CCT2: variants seen among roughly 807,000 people sequenced by gnomAD.
CCT2 encodes the protein chaperonin containing TCP1 subunit 2.
CCT2 carries 18 observed loss-of-function variants against 61.8 expected under a neutral mutation model. The ratio of observed to expected loss-of-function variants is 0.29; its 90% CI spans 0.20 to 0.43. CCT2 has a LOEUF of 0.43. Among genes scored for constraint, CCT2 ranks in the 20% least tolerant of loss-of-function variants. The pLI is 1.00. For missense variants in CCT2, 556 were observed against 656.9 expected, an observed-to-expected ratio of 0.85 and a Z score of 1.68; for synonymous variants, 248 against 215.9, an observed-to-expected ratio of 1.15 and a Z score of -1.30.
In CCT2 at chr12:69,588,134, AT is replaced by A; in HGVS notation, c.334-15del. 2 of 1,600,698 alleles carry A rather than the reference AT, an allele frequency of 1.2e-6. No individual in the cohort carries two copies. ...ATTTTCTATTTATAACTTTTGTTTT[AT>A]AACTTTATTAATAGGAAGCAGAATC... On this transcript the variant is annotated splice_polypyrimidine_tract_variant and intron_variant, in intron 5 of 15. Transcript: ENST00000299300.
intron 1 of CCT2, 55 bp downstream of exon 1, chr12:69,585,579 AC>A: frequency 6.4e-7 from 1 of 1,558,212 alleles, no homozygotes; most frequent in Non-Finnish European, 8.7e-7. Context: ...TGCTCTTGCC[AC>A]CCCACTGCTT....
Position 69,598,062 on chromosome 12 carries a change from A to G in CCT2, c.1326A>G (p.Ala442=). 1 of 1,608,276 alleles carries G rather than the reference A, an allele frequency of 6.2e-7. No homozygotes were observed. Among genetic ancestry groups the G allele is most frequent in the Non-Finnish European group, 8.5e-7 (1 of 1,175,016 alleles). ...EAVAMESYAK[A]LRMLPTIIAD... is the part of the protein sequence containing the mutation. ...TTGCAATGGAGTCTTATGCTAAAGC[A>G]CTGAGAATGGTAAGTTAATCAAAAT... The change falls in exon 13 of 16, where the codon GCA becomes GCG. Residue 442 remains alanine (A), a synonymous_variant. Coordinates refer to ENST00000299300, the MANE Select transcript of CCT2 (RefSeq NM_006431.3).
intron 4 of CCT2, 23 bp downstream of exon 4, chr12:69,587,639 A>G (rs1881705212): frequency 1.4e-6 from 2 of 1,384,884 alleles, no homozygotes; most frequent in African/African-American, 1.4e-5. Context: ...ATACTTTTTC[A>G]CCAACCTAAT....
chr12:69,591,090 C>T (rs1405178169), intron 7 of CCT2, among the ~76,000 whole-genome samples: 1 of 152,136 alleles, frequency 6.6e-6, no homozygotes, highest in Non-Finnish European at 1.5e-5. Flanking sequence ...GTAGCACAAG[C>T]AGCACCATTC....
intron 7 of CCT2, among the ~76,000 whole-genome samples, chr12:69,590,900 G>C (rs1364827911): frequency 1.3e-5 from 2 of 150,570 alleles, no homozygotes; most frequent in Non-Finnish European, 3.0e-5. Context: ...TGTATTTTTA[G>C]TAGAGACGGG....
rs1881626371 is a variant in CCT2, at chr12:69,585,692, G to C, written c.3+168G>C. 2.7e-6 allele frequency: 4 copies of C among 1,504,894 alleles called. No individual in the cohort carries two copies. In the South Asian group the frequency reaches 5.1e-5, roughly 19 times the overall value. 93.2% of individuals were successfully genotyped at this position (1,504,894 alleles called of 1,614,324 possible). On this transcript the variant is annotated intron_variant, in intron 1 of 15. Coordinates refer to ENST00000299300, the MANE Select transcript of CCT2 (RefSeq NM_006431.3). ...CGTGCGGCCTGCGCCAGGCCAGCCGGTGGAGCTCACCACGAGGGGGAGGGG... is the reference window on the plus strand; with the variant it reads ...CGTGCGGCCTGCGCCAGGCCAGCCGCTGGAGCTCACCACGAGGGGGAGGGG...
rs1315441099 is a variant in CCT2 at position 69,589,594 on chromosome 12, G to A, written c.556G>A (p.Ala186Thr). The A allele has an allele frequency of 1.2e-6, 2 of 1,614,074 alleles. No homozygotes were observed. The highest frequency in any genetic ancestry group is 4.5e-5 in the East Asian group (2 of 44,876). ...CCACTTTACAAAGTTAGCTGTAGAA[G>A]CAGTTCTCAGACTGAAAGGCTCTGG... Reference protein sequence around the residue: ...KDHFTKLAVEAVLRLKGSGNL... With the variant: ...KDHFTKLAVETVLRLKGSGNL... The change falls in exon 7 of 16, where the codon GCA (alanine) becomes ACA (threonine). Residue 186 changes from alanine (A) to threonine (T), a missense_variant. By Grantham distance (58) the Ala-to-Thr change is moderately conservative (BLOSUM62 0). Around this residue, in one of 3 missense-constraint regions of CCT2, gnomAD observed 308 missense variants for 350.6 expected, o/e 0.88. Coordinates refer to ENST00000299300, the MANE Select transcript of CCT2 (RefSeq NM_006431.3).
intron 10 of CCT2, among the ~76,000 whole-genome samples, chr12:69,593,834 A>C (rs1236780311): frequency 6.6e-6 from 1 of 152,110 alleles, no homozygotes; most frequent in Non-Finnish European, 1.5e-5. Flanking sequence ...TCATTGTGTC[A>C]CTGTTTTAAA....
intron 14 of CCT2, among the ~76,000 whole-genome samples, chr12:69,599,192 T>C (rs1438783627): frequency 6.6e-6 from 1 of 151,988 alleles, no homozygotes; most frequent in Non-Finnish European, 1.5e-5. Flanking sequence ...CTCAAGCAGT[T>C]CTCCTTCCTC....
chr12:69,588,372 GC>G (rs1488242443), intron 6 of CCT2, 110 bp downstream of exon 6: 7 of 757,056 alleles, frequency 9.2e-6, no homozygotes, highest in Non-Finnish European at 1.3e-5. Flanking sequence ...TCATCTTGCT[GC>G]CTCACCCCAC....
rs1441633328 is a variant in CCT2, at chr12:69,585,544, C to T, written c.3+20C>T. On this transcript the variant is annotated intron_variant, in intron 1 of 15. Coordinates refer to ENST00000299300, the MANE Select transcript of CCT2 (RefSeq NM_006431.3). ...ACCATGGTGAGCCTGACTCCCCTGC[C>T]TCTTGCCCTACCCCTGCTCCGCCGT... 3.2e-6 allele frequency: 5 copies of T among 1,571,106 alleles called. No individual in the cohort carries two copies. The highest frequency in any genetic ancestry group is 1.7e-4 in the Middle Eastern group (1 of 6,028).
intron 14 of CCT2, among the ~76,000 whole-genome samples, chr12:69,598,811 T>G (rs1882069202): frequency 6.6e-6 from 1 of 152,192 alleles, no homozygotes; most frequent in African/African-American, 2.4e-5. Flanking sequence ...AGATCTCTAG[T>G]CCATAGATAA....
rs559732234 is a variant in CCT2 at position 69,598,192 on chromosome 12, C to G, written c.1335+121C>G. The G allele has an allele frequency of 1.3e-5, 13 of 970,432 alleles. No homozygotes were observed. In the East Asian group the frequency reaches 2.3e-4, roughly 17 times the overall value. 60.1% of individuals were successfully genotyped at this position (970,432 alleles called of 1,614,324 possible). On this transcript the variant is annotated intron_variant, in intron 13 of 15. Transcript: ENST00000299300. ...ATTTGATTCTGGAGTTTCTCCTCTT[C>G]GTGAGCAGTAACTGAAGCAGATTTT...
At chr12:69,599,014 C>T (rs1882074886) in intron 14 of CCT2, among the ~76,000 whole-genome samples, 1 of 152,122 alleles carries the variant, frequency 6.6e-6, no homozygotes, top group South Asian at 2.1e-4. Context: ...AATTTTCTTC[C>T]ATTTGTTTTT....
At position 69,592,141 on chromosome 12, in the gene CCT2, G is replaced by A; in HGVS notation, c.732G>A (p.Met244Ile). The A allele has an allele frequency of 6.4e-7, 1 of 1,565,164 alleles. No homozygotes were observed. The highest frequency in any genetic ancestry group is 1.1e-5 in the South Asian group (1 of 89,972). Reference protein sequence around the residue: ...NAKILIANTGMDTDKIKIFGS... With the variant: ...NAKILIANTGIDTDKIKIFGS... The stretch of plus-strand genomic sequence containing the variant: ...AAATTCTTATTGCAAATACTGGTAT[G>A]GATACAGACAAAATAAAGGTATGTA... Residue 244 changes from methionine to isoleucine, a missense_variant, in exon 8 of 16, where the codon ATG becomes ATA. Around this residue, in one of 3 missense-constraint regions of CCT2, gnomAD observed 308 missense variants for 350.6 expected, o/e 0.88. Transcript: ENST00000299300.
chr12:69,590,265 AGTATGTGGGGATTTTGGT>A (rs1233348723), intron 7 of CCT2, among the ~76,000 whole-genome samples: 1 of 152,170 alleles, frequency 6.6e-6, no homozygotes, highest in Non-Finnish European at 1.5e-5. Context: ...CTGGAACTTA[AGTATGTGGGGATTTTGGT>A]GTATGTGGGC....
Position 69,599,879 on chromosome 12 carries a change from C to T in CCT2, c.1452C>T (p.Thr484=). The T allele has an allele frequency of 4.3e-6, 7 of 1,612,348 alleles. No individual in the cohort carries two copies. Among genetic ancestry groups the T allele is most frequent in the Non-Finnish European group, 5.9e-6 (7 of 1,179,222 alleles). Residue 484 remains threonine (T), a synonymous_variant, in exon 15 of 16, where the codon ACC becomes ACT. Coordinates refer to ENST00000299300, the MANE Select transcript of CCT2 (RefSeq NM_006431.3). ...TTAGLDMREG[T]IGDMAILGIT... ...TCTTTGCAGATATGAGGGAAGGCAC[C>T]ATTGGAGATATGGCTATCCTGGGTA...
At position 69,601,335 on chromosome 12, in the gene CCT2, C is replaced by G. The variant is rs372245852; in HGVS notation, c.*10C>G. On this transcript the variant is annotated 3_prime_UTR_variant, in exon 16 of 16. Coordinates refer to ENST00000299300, the MANE Select transcript of CCT2 (RefSeq NM_006431.3). Reference sequence around the variant, plus strand: ...TCACCACCCCTGTTAAGCATTCCCACGTGCTGTCGATCTTTGGACCAGTTT... The same window carrying G: ...TCACCACCCCTGTTAAGCATTCCCAGGTGCTGTCGATCTTTGGACCAGTTT... The G allele has an allele frequency of 1.2e-6, 2 of 1,613,776 alleles. No homozygotes were observed. The highest frequency in any genetic ancestry group is 2.7e-5 in the African/African-American group (2 of 75,022).
chr12:69,601,011 C>G (rs1337224364), intron 15 of CCT2, among the ~76,000 whole-genome samples: 1 of 152,124 alleles, frequency 6.6e-6, no homozygotes, highest in Non-Finnish European at 1.5e-5. Context: ...GGCTGAGTGG[C>G]TAGCTCAGGT....
Sources: allele counts gnomAD v4.1 joint callset (sites outside exome capture counted in the v4.1 genomes callset), GRCh38; gene constraint gnomAD v4.1.1; regional missense constraint gnomAD v4.1.1; transcripts MANE v1.5; gene names NCBI Gene and HGNC (gene_info 2026-07-23, HGNC 2026-07-21).